Variants in SRF observed in about 807,000 individuals in gnomAD.
SRF encodes the protein serum response factor.
In SRF, 7 loss-of-function variants were observed where a neutral mutation model predicts 37.1. That is an observed-to-expected ratio of 0.19 (90% CI 0.11 to 0.35). The LOEUF (loss-of-function observed/expected upper bound fraction) is 0.35. Ranked by LOEUF, SRF falls within the 10% of genes least tolerant of loss-of-function variation. SRF has a pLI of 1.00. For synonymous variants in SRF, 285 were observed against 310.1 expected (o/e 0.92, Z 0.85); for missense variants, 395 against 694.4 (o/e 0.57, Z 4.85).
intron 2 of SRF, 89 bp from the exon 3 acceptor site, chr6:43,175,617 G>A: frequency 6.4e-7 from 1 of 1,558,950 alleles, no homozygotes; most frequent in South Asian, 1.2e-5. Context: ...AAGCTCACTG[G>A]TTTCAGTCTG....
rs1175433536 is a variant in SRF, at chr6:43,176,531, G to A, written c.1043-17G>A. On this transcript the variant is annotated splice_polypyrimidine_tract_variant and intron_variant, in intron 3 of 6. Transcript: ENST00000265354. The surrounding 1 kb of genome is among the most constrained non-coding windows in gnomAD (Gnocchi z 4.0). ...ATTGGGTGGGACAGAGCACAAATAA[G>A]ACTCTGTGTCTTGCAGGTGGGGCAG... The A allele has an allele frequency of 1.2e-6, 2 of 1,613,900 alleles. No homozygotes were observed. The highest frequency in any genetic ancestry group is 3.3e-5 in the Admixed American group (2 of 60,008).
Position 43,172,389 on chromosome 6 carries a change from G to A in SRF, c.513+220G>A, listed in dbSNP as rs899494574. ...TCCCGCGAACGCTCGCAACCGTGGG[G>A]AAAGGCGCAGAGGTGGGAGTGACCG... is the stretch of plus-strand genomic sequence containing the variant. On this transcript the variant is annotated intron_variant, in intron 1 of 6. Coordinates refer to ENST00000265354, the MANE Select transcript of SRF (RefSeq NM_003131.4). The surrounding 1 kb of genome is among the most constrained non-coding windows in gnomAD (Gnocchi z 5.7). The A allele has an allele frequency of 7.1e-6, 7 of 985,284 alleles. No individual in the cohort carries two copies. The highest frequency in any genetic ancestry group is 5.2e-4 in the Middle Eastern group (1 of 1,936). 61.0% of individuals were successfully genotyped at this position (985,284 alleles called of 1,614,324 possible). A position where few individuals can be genotyped will look rare whatever the true frequency, so the allele number is the denominator to read the frequency against.
rs567511279 is a variant in SRF at position 43,176,644 on chromosome 6, C to T, written c.1139C>T (p.Thr380Met). ...TCCCGTGACAGCAGCACAGACCTCA[C>T]GCAGACCTCCTCCAGCGGGACAGGT... is the stretch of plus-strand genomic sequence containing the variant. ...SPSRDSSTDLTQTSSSGTVTL... is the reference protein window; with the variant it reads ...SPSRDSSTDLMQTSSSGTVTL... The change falls in exon 4 of 7, where the codon ACG becomes ATG. Residue 380 changes from threonine to methionine, a missense_variant. Thr to Met is a moderately conservative substitution (Grantham distance 81). Around this residue, in one of 4 missense-constraint regions of SRF, gnomAD observed 232 missense variants for 335.6 expected, o/e 0.69. Coordinates refer to ENST00000265354, the MANE Select transcript of SRF (RefSeq NM_003131.4). This position sits in a 1 kb window ranked among gnomAD's most constrained non-coding sequence, Gnocchi z 4.0. 30 of 1,614,160 alleles carry T rather than the reference C, an allele frequency of 1.9e-5. No homozygotes were observed. The highest frequency in any genetic ancestry group is 4.0e-5 in the African/African-American group (3 of 75,040).
In SRF at chr6:43,179,004, C is replaced by T; in HGVS notation, c.1432-91C>T. ...GCCTGGAAGCCCATCTGCTTTTCTG[C>T]TCAGGCCTGTGGTTGGCAGGCAGGG... On this transcript the variant is annotated intron_variant, in intron 6 of 6. Transcript: ENST00000265354. The surrounding 1 kb of genome is among the most constrained non-coding windows in gnomAD (Gnocchi z 5.3). The T allele has an allele frequency of 6.4e-7, 1 of 1,572,178 alleles. No individual in the cohort carries two copies. Among genetic ancestry groups the T allele is most frequent in the Non-Finnish European group, 8.7e-7 (1 of 1,142,918 alleles).
rs544658252 is a variant in SRF, at chr6:43,177,228, G to GTTTTTTTTTTTTTTTTT, written c.1162+562_1162+578dup. On this transcript the variant is annotated intron_variant, in intron 4 of 6. Coordinates refer to ENST00000265354, the MANE Select transcript of SRF (RefSeq NM_003131.4). ...CCCCAAACCTAGTGAATCGGAGTCTGTTTTTTTTTTTTTTTTTGAGACGGA... is the reference window on the plus strand; with the variant it reads ...CCCCAAACCTAGTGAATCGGAGTCTGTTTTTTTTTTTTTTTTTTTTTTTTTTTTTTTTTTGAGACGGA... Among the ~76,000 whole-genome samples, 117 of 116,794 alleles carry GTTTTTTTTTTTTTTTTT rather than the reference G, an allele frequency of 1.0e-3. 18 individuals carry two copies. The highest frequency in any genetic ancestry group is 3.5e-3 in the African/African-American group (91 of 26,180). 76.6% of individuals were successfully genotyped at this position (116,794 alleles called of 152,430 possible). A position where few individuals can be genotyped will look rare whatever the true frequency, so the allele number is the denominator to read the frequency against.
At position 43,174,637 on chromosome 6, in the gene SRF, C is replaced by T. The variant is rs144990392; in HGVS notation, c.780+524C>T. ...GGATGCCTGCGCTGTTACTCCTCCCCCTTCCTTTTCCCGGTAAGGAGAGGG... is the reference window on the plus strand; with the variant it reads ...GGATGCCTGCGCTGTTACTCCTCCCTCTTCCTTTTCCCGGTAAGGAGAGGG... On this transcript the variant is annotated intron_variant, in intron 2 of 6. Transcript: ENST00000265354. Among the ~76,000 whole-genome samples the T allele has an allele frequency of 2.0e-3, 307 of 152,356 alleles. 1 individual carries two copies. Among genetic ancestry groups the T allele is most frequent in the Non-Finnish European group, 3.1e-3 (214 of 68,028 alleles).
At position 43,171,511 on chromosome 6, in the gene SRF, G is replaced by C. The variant is rs1772095537; in HGVS notation, c.-146G>C. Reference sequence around the variant, plus strand: ...CCCAGGTCGGCCCGGGCGTGCAGGGGCCCCGGGTTCGCAGCGGCGGCCGCG... The same window carrying C: ...CCCAGGTCGGCCCGGGCGTGCAGGGCCCCCGGGTTCGCAGCGGCGGCCGCG... On this transcript the variant is annotated 5_prime_UTR_variant, in exon 1 of 7. Coordinates refer to ENST00000265354, the MANE Select transcript of SRF (RefSeq NM_003131.4). The surrounding 1 kb of genome is among the most constrained non-coding windows in gnomAD (Gnocchi z 6.5). The C allele has an allele frequency of 3.2e-6, 3 of 932,592 alleles. No individual in the cohort carries two copies. Among genetic ancestry groups the C allele is most frequent in the Non-Finnish European group, 4.1e-6 (3 of 731,262 alleles). 57.8% of individuals were successfully genotyped at this position (932,592 alleles called of 1,614,324 possible). A position where few individuals can be genotyped will look rare whatever the true frequency, so the allele number is the denominator to read the frequency against.
At position 43,181,207 on chromosome 6, in the gene SRF, G is replaced by A. The variant is rs1323756529; in HGVS notation, c.*2017G>A. The stretch of plus-strand genomic sequence containing the variant: ...GAATCAGGCAAAGTGCTTATAATGT[G>A]TGTTGTGTGAGCGTGGCCTTGGGAG... On this transcript the variant is annotated 3_prime_UTR_variant, in exon 7 of 7. Coordinates refer to ENST00000265354, the MANE Select transcript of SRF (RefSeq NM_003131.4). The A allele has an allele frequency of 6.5e-6, 1 of 152,868 alleles. No individual in the cohort carries two copies. Among genetic ancestry groups the A allele is most frequent in the East Asian group, 1.9e-4 (1 of 5,194 alleles). The allele number at this position is 152,868 out of a possible 1,614,324, so 9.5% of individuals were successfully genotyped here.
At position 43,176,207 on chromosome 6, in the gene SRF, C is replaced by T. The variant is rs1023604110; in HGVS notation, c.1042+240C>T. ...ATATTCTGGCCCTGTCTAGCTACCC[C>T]AGCCCCGTGCCCTCATTGCCACAGG... On this transcript the variant is annotated intron_variant, in intron 3 of 6. Coordinates refer to ENST00000265354, the MANE Select transcript of SRF (RefSeq NM_003131.4). The surrounding 1 kb of genome is among the most constrained non-coding windows in gnomAD (Gnocchi z 4.0). Among the ~76,000 whole-genome samples, 2 of 152,186 alleles carry T rather than the reference C, an allele frequency of 1.3e-5. No homozygotes were observed. The highest frequency in any genetic ancestry group is 2.4e-5 in the African/African-American group (1 of 41,442).
Position 43,173,732 on chromosome 6 carries a change from A to G in SRF, c.514-115A>G. ...CCTGCCCTCAGAGTCATTAGAGACGAAGGTCATTATGGGAATGGGGGAATG... is the reference window on the plus strand; with the variant it reads ...CCTGCCCTCAGAGTCATTAGAGACGGAGGTCATTATGGGAATGGGGGAATG... On this transcript the variant is annotated intron_variant, in intron 1 of 6. Coordinates refer to ENST00000265354, the MANE Select transcript of SRF (RefSeq NM_003131.4). This position sits in a 1 kb window ranked among gnomAD's most constrained non-coding sequence, Gnocchi z 4.2. 7.2e-7 allele frequency: 1 copy of G among 1,381,540 alleles called. No individual in the cohort carries two copies. The highest frequency in any genetic ancestry group is 1.4e-5 in the African/African-American group (1 of 69,556). The allele number at this position is 1,381,540 out of a possible 1,614,324, so 85.6% of individuals were successfully genotyped here.
Position 43,179,078 on chromosome 6 carries a change from C to T in SRF, c.1432-17C>T, listed in dbSNP as rs1431409731. ...TGGCCAGTCCCTGCCCCTCCTCATA[C>T]ATCCCCTTCCCTCCAGATGGCTGTG... On this transcript the variant is annotated splice_polypyrimidine_tract_variant and intron_variant, in intron 6 of 6. Coordinates refer to ENST00000265354, the MANE Select transcript of SRF (RefSeq NM_003131.4). This position sits in a 1 kb window ranked among gnomAD's most constrained non-coding sequence, Gnocchi z 5.3. 6.2e-7 allele frequency: 1 copy of T among 1,613,742 alleles called. No homozygotes were observed. The highest frequency in any genetic ancestry group is 8.5e-7 in the Non-Finnish European group (1 of 1,179,674).
In SRF at chr6:43,179,195, C is replaced by T. The variant is rs888377042; in HGVS notation, c.*5C>T. On this transcript the variant is annotated 3_prime_UTR_variant, in exon 7 of 7. Coordinates refer to ENST00000265354, the MANE Select transcript of SRF (RefSeq NM_003131.4). This position sits in a 1 kb window ranked among gnomAD's most constrained non-coding sequence, Gnocchi z 5.3. ...CACAGCACCAAGAGTGAATGATCCG[C>T]CCGCCGCCCTGGACAGATGGCCCAA... 6.2e-7 allele frequency: 1 copy of T among 1,614,076 alleles called. No homozygotes were observed. The highest frequency in any genetic ancestry group is 8.5e-7 in the Non-Finnish European group (1 of 1,180,000).
Position 43,176,404 on chromosome 6 carries a change from G to A in SRF, c.1043-144G>A. The A allele has an allele frequency of 2.3e-6, 3 of 1,326,396 alleles. No homozygotes were observed. The highest frequency in any genetic ancestry group is 2.1e-6 in the Non-Finnish European group (2 of 953,360). 82.2% of individuals were successfully genotyped at this position (1,326,396 alleles called of 1,614,324 possible). ...GCCCCCAGAGTGGATACTTGGGCCT[G>A]AAGGGCCTCTTTGGCTTCCAGGAAA... On this transcript the variant is annotated intron_variant, in intron 3 of 6. Coordinates refer to ENST00000265354, the MANE Select transcript of SRF (RefSeq NM_003131.4). The surrounding 1 kb of genome is among the most constrained non-coding windows in gnomAD (Gnocchi z 4.0).
In SRF at chr6:43,176,499, G is replaced by A; in HGVS notation, c.1043-49G>A. The A allele has an allele frequency of 6.2e-7, 1 of 1,606,832 alleles. No individual in the cohort carries two copies. The highest frequency in any genetic ancestry group is 1.1e-5 in the South Asian group (1 of 90,626). On this transcript the variant is annotated intron_variant, in intron 3 of 6. Transcript: ENST00000265354. The surrounding 1 kb of genome is among the most constrained non-coding windows in gnomAD (Gnocchi z 4.0). The stretch of plus-strand genomic sequence containing the variant: ...GGGGTGTCCATGGGTACTTGGTGGA[G>A]GTGGCAATTGGGTGGGACAGAGCAC...
chr6:43,176,080 T>A lies in SRF; in HGVS notation c.1042+113T>A. On this transcript the variant is annotated intron_variant, in intron 3 of 6. Transcript: ENST00000265354. The surrounding 1 kb of genome is among the most constrained non-coding windows in gnomAD (Gnocchi z 4.0). ...CCTCTTTCCCTGCTCAGAAGGAAGG[T>A]GAATAGGGGCCAGAGCCTGAGCGAA... 1.4e-6 allele frequency: 2 copies of A among 1,429,022 alleles called. No homozygotes were observed. Among genetic ancestry groups the A allele is most frequent in the Non-Finnish European group, 1.9e-6 (2 of 1,066,016 alleles). The allele number at this position is 1,429,022 out of a possible 1,614,324, so 88.5% of individuals were successfully genotyped here.
Position 43,172,204 on chromosome 6 carries a change from C to T in SRF, c.513+35C>T, listed in dbSNP as rs748289428. Reference sequence around the variant, plus strand: ...CGGGGGGCTGGCCGGCCCCGGGGCCCGGTTGGGGTGGGGATGTGCAAAGGG... The same window carrying T: ...CGGGGGGCTGGCCGGCCCCGGGGCCTGGTTGGGGTGGGGATGTGCAAAGGG... On this transcript the variant is annotated intron_variant, in intron 1 of 6. Coordinates refer to ENST00000265354, the MANE Select transcript of SRF (RefSeq NM_003131.4). The surrounding 1 kb of genome is among the most constrained non-coding windows in gnomAD (Gnocchi z 5.7). The T allele has an allele frequency of 6.3e-7, 1 of 1,591,770 alleles. No individual in the cohort carries two copies. Among genetic ancestry groups the T allele is most frequent in the Admixed American group, 1.8e-5 (1 of 56,950 alleles).
Position 43,178,898 on chromosome 6 carries a change from T to C in SRF, c.1431+16T>C, listed in dbSNP as rs1232128921. ...GCTCCACCAGGTAGGTAGGGATATCTTTCACCCCATCCCAGATAGCCACTT... is the reference window on the plus strand; with the variant it reads ...GCTCCACCAGGTAGGTAGGGATATCCTTCACCCCATCCCAGATAGCCACTT... On this transcript the variant is annotated intron_variant, in intron 6 of 6. Coordinates refer to ENST00000265354, the MANE Select transcript of SRF (RefSeq NM_003131.4). This position sits in a 1 kb window ranked among gnomAD's most constrained non-coding sequence, Gnocchi z 4.3. The C allele has an allele frequency of 6.2e-7, 1 of 1,613,254 alleles. No individual in the cohort carries two copies. The highest frequency in any genetic ancestry group is 2.2e-5 in the East Asian group (1 of 44,902).
chr6:43,178,658 C>T lies in SRF; in HGVS notation c.1355-148C>T, dbSNP rs1055212864. ...GACACCCCACTTGGACACTCACACC[C>T]GCATGCACCCTCAGACACACTGGCA... On this transcript the variant is annotated intron_variant, in intron 5 of 6. Coordinates refer to ENST00000265354, the MANE Select transcript of SRF (RefSeq NM_003131.4). The surrounding 1 kb of genome is among the most constrained non-coding windows in gnomAD (Gnocchi z 4.3). The T allele has an allele frequency of 1.9e-5, 23 of 1,192,528 alleles. No homozygotes were observed. The highest frequency in any genetic ancestry group is 2.6e-4 in the Middle Eastern group (1 of 3,798). The allele number at this position is 1,192,528 out of a possible 1,614,324, so 73.9% of individuals were successfully genotyped here.
Position 43,176,932 on chromosome 6 carries a change from TAAG to T in SRF, c.1162+269_1162+271del, listed in dbSNP as rs1184868162. 6.6e-6 allele frequency among the ~76,000 whole-genome samples: 1 copy of T among 152,018 alleles called. No homozygotes were observed. Among genetic ancestry groups the T allele is most frequent in the African/African-American group, 2.4e-5 (1 of 41,368 alleles). On this transcript the variant is annotated intron_variant, in intron 4 of 6. Transcript: ENST00000265354. This position sits in a 1 kb window ranked among gnomAD's most constrained non-coding sequence, Gnocchi z 4.0. ...AGATGAGGAGCCTGAGGCCTAGAAA[TAAG>T]AAGTTACTTGCTCAAAGACACATTT... is the stretch of plus-strand genomic sequence containing the variant.
Sources: allele counts gnomAD v4.1 joint callset (sites outside exome capture counted in the v4.1 genomes callset), GRCh38; gene constraint gnomAD v4.1.1; regional missense constraint gnomAD v4.1.1; non-coding constraint Gnocchi (gnomAD v3.1); transcripts MANE v1.5; gene names NCBI Gene and HGNC (gene_info 2026-07-23, HGNC 2026-07-21).